The following LRRTM4 variants were observed in gnomAD, a reference collection of about 807,000 sequenced individuals.
The protein encoded by LRRTM4 is leucine rich repeat transmembrane neuronal 4, also known as leucine-rich repeat transmembrane neuronal protein 4.
In LRRTM4, 25 loss-of-function variants were observed where a neutral mutation model predicts 47.6. That is an observed-to-expected ratio of 0.53 (90% CI 0.38 to 0.73). The LOEUF (loss-of-function observed/expected upper bound fraction) is 0.73, where lower values mean the gene tolerates loss of function less well. LRRTM4 is among the 30% of genes least tolerant of loss of function. The pLI, the probability that LRRTM4 is intolerant of heterozygous loss-of-function variation, is 0.00. For synonymous variants in LRRTM4, 311 were observed against 269.5 expected, an observed-to-expected ratio of 1.15 and a Z score of -1.51; for missense variants, 638 against 713.4, an observed-to-expected ratio of 0.89 and a Z score of 1.20.
chr2:77,064,686 T>C (rs1390581985), intron 3 of LRRTM4, among the ~76,000 whole-genome samples: 1 of 152,210 alleles, frequency 6.6e-6, no homozygotes, highest in East Asian at 1.9e-4. Flanking sequence ...ACAAGATGAA[T>C]GGTATCTTAG....
chr2:77,429,060 A>G (rs1337885961), intron 3 of LRRTM4, among the ~76,000 whole-genome samples: 2 of 152,198 alleles, frequency 1.3e-5, no homozygotes, highest in Non-Finnish European at 2.9e-5. Flanking sequence ...TAAATAACCT[A>G]AAAGTGGGAG....
At chr2:77,092,606 T>G (rs1670684340) in intron 3 of LRRTM4, among the ~76,000 whole-genome samples, 1 of 146,112 alleles carries the variant, frequency 6.8e-6, no homozygotes, top group Admixed American at 6.8e-5. Context: ...AAATCAGCTT[T>G]ACTCAACATG....
chr2:76,820,492 A>T (rs766711645), intron 3 of LRRTM4, among the ~76,000 whole-genome samples: 1 of 151,788 alleles, frequency 6.6e-6, no homozygotes, highest in African/African-American at 2.4e-5. Flanking sequence ...AAGATAAATC[A>T]CTGTTTTCCT....
intron 3 of LRRTM4, among the ~76,000 whole-genome samples, chr2:76,860,680 A>G (rs570145206): frequency 6.6e-6 from 1 of 152,214 alleles, no homozygotes; most frequent in African/African-American, 2.4e-5. Flanking sequence ...TTAATTCTGT[A>G]AAAGAGAAAC....
At chr2:77,263,727 C>A (rs959141917) in intron 3 of LRRTM4, among the ~76,000 whole-genome samples, 1 of 152,054 alleles carries the variant, frequency 6.6e-6, no homozygotes, top group Non-Finnish European at 1.5e-5. Flanking sequence ...TCTTCTTAAT[C>A]CCCTGGCTAA....
rs1455842205 is a variant in LRRTM4 at position 77,067,168 on chromosome 2, C to A, written c.1552-318252G>T. On this transcript the variant is annotated intron_variant, in intron 3 of 3. Coordinates refer to ENST00000409884, the MANE Select transcript of LRRTM4 (RefSeq NM_001134745.3). ...AGCAAAGTGAGTATCTGGCAGGAGA[C>A]AATCTGAACTTAACATCACTTTTTT... 4.6e-5 allele frequency among the ~76,000 whole-genome samples: 7 copies of A among 152,238 alleles called. No homozygotes were observed. In the East Asian group the frequency reaches 1.4e-3, roughly 29 times the overall value.
At chr2:77,330,975 A>G (rs1336771026) in intron 3 of LRRTM4, among the ~76,000 whole-genome samples, 4 of 152,154 alleles carry the variant, frequency 2.6e-5, no homozygotes, top group Non-Finnish European at 5.9e-5. Flanking sequence ...TCAAATTAAG[A>G]TTTATATGTA....
chr2:77,392,863 A>C (rs1673556881), intron 3 of LRRTM4, among the ~76,000 whole-genome samples: 1 of 152,056 alleles, frequency 6.6e-6, no homozygotes, highest in Non-Finnish European at 1.5e-5. Context: ...CTAAGATAGT[A>C]GATTTTAAGT....
At chr2:77,303,402 T>C (rs1016490611) in intron 3 of LRRTM4, among the ~76,000 whole-genome samples, 2 of 152,220 alleles carry the variant, frequency 1.3e-5, no homozygotes, top group African/African-American at 2.4e-5. Context: ...CATTTATAAT[T>C]TATATTTCCA....
chr2:77,392,538 A>G (rs1673544830), intron 3 of LRRTM4, among the ~76,000 whole-genome samples: 1 of 152,092 alleles, frequency 6.6e-6, no homozygotes, highest in African/African-American at 2.4e-5. Flanking sequence ...CTTACAAAAG[A>G]AGCCAGACAG....
intron 3 of LRRTM4, among the ~76,000 whole-genome samples, chr2:76,888,460 A>AT (rs1038980308): frequency 6.6e-6 from 1 of 151,376 alleles, no homozygotes; most frequent in South Asian, 2.1e-4. Flanking sequence ...ATGGTAACTT[A>AT]TTTTTTTATA....
intron 3 of LRRTM4, among the ~76,000 whole-genome samples, chr2:77,427,409 T>A (rs1319530582): frequency 6.6e-6 from 1 of 152,220 alleles, no homozygotes; most frequent in Non-Finnish European, 1.5e-5. Flanking sequence ...TTAATTCTAC[T>A]TTTATGTAAA....
chr2:76,750,466 A>T (rs1036649161), intron 3 of LRRTM4, among the ~76,000 whole-genome samples: 1 of 152,200 alleles, frequency 6.6e-6, no homozygotes, highest in African/African-American at 2.4e-5. Context: ...TAATAACTCT[A>T]TATCCAGTTA....
At chr2:77,162,686 C>T (rs1231549270) in intron 3 of LRRTM4, among the ~76,000 whole-genome samples, 1 of 152,154 alleles carries the variant, frequency 6.6e-6, no homozygotes, top group Non-Finnish European at 1.5e-5. Flanking sequence ...TGGCAGCCTC[C>T]ACTGGTGATA....
chr2:76,790,215 T>TAAAGTTC (rs1162787939), intron 3 of LRRTM4, among the ~76,000 whole-genome samples: 1 of 152,210 alleles, frequency 6.6e-6, no homozygotes, highest in Non-Finnish European at 1.5e-5. Context: ...GACTATGAGT[T>TAAAGTTC]AAAGTTCAAA....
intron 3 of LRRTM4, among the ~76,000 whole-genome samples, chr2:77,268,206 T>C (rs1441768033): frequency 6.6e-6 from 1 of 152,138 alleles, no homozygotes; most frequent in South Asian, 2.1e-4. Flanking sequence ...CCACTAGACA[T>C]GTGCAGTAAA....
At chr2:76,910,114 A>G (rs1673997047) in intron 3 of LRRTM4, among the ~76,000 whole-genome samples, 1 of 152,202 alleles carries the variant, frequency 6.6e-6, no homozygotes, top group Non-Finnish European at 1.5e-5. Context: ...CAACAATGAT[A>G]GACTGGATTA....
chr2:77,262,509 T>TTC (rs1675945105), intron 3 of LRRTM4, among the ~76,000 whole-genome samples: 3 of 152,076 alleles, frequency 2.0e-5, no homozygotes, highest in African/African-American at 7.2e-5. Flanking sequence ...TACCTAATTT[T>TTC]TTTTTTCTGT....
intron 3 of LRRTM4, among the ~76,000 whole-genome samples, chr2:77,496,313 T>A (rs1678361532): frequency 6.6e-6 from 1 of 151,828 alleles, no homozygotes; most frequent in Admixed American, 6.6e-5. Context: ...CTCTATGCCT[T>A]TTATTTCTTT....
Sources: gnomAD v4.1 joint callset for allele counts (sites outside exome capture counted in the v4.1 genomes callset) on GRCh38, gnomAD v4.1.1 for gene constraint, MANE v1.5 for transcripts, NCBI Gene and HGNC (gene_info 2026-07-23, HGNC 2026-07-21) for gene names.